Variants in USP54 observed in about 807,000 individuals in gnomAD.
USP54 encodes ubiquitin specific peptidase 54.
Under a neutral mutation model 170.5 loss-of-function variants are expected in USP54, and 87 were observed. The observed-to-expected ratio is 0.51, with a 90% CI of 0.43 to 0.61. USP54 has a LOEUF of 0.61. Among genes scored for constraint, USP54 ranks in the 20% least tolerant of loss-of-function variants. The pLI is 0.00. For synonymous variants in USP54, 655 were observed against 742.8 expected (o/e 0.88, Z 1.92); for missense variants, 1,786 against 2,047.8 (o/e 0.87, Z 2.47).
intron 1 of USP54, among the ~76,000 whole-genome samples, chr10:73,599,020 A>G (rs181430292): frequency 2.0e-5 from 3 of 152,336 alleles, no homozygotes; most frequent in Non-Finnish European, 4.4e-5. Context: ...GGGAGGTTGC[A>G]GTGAGCCGAG....
intron 12 of USP54, among the ~76,000 whole-genome samples, chr10:73,533,351 T>A (rs193018106): frequency 6.6e-6 from 1 of 152,224 alleles, no homozygotes; most frequent in African/African-American, 2.4e-5. Flanking sequence ...TGATTTCTTA[T>A]GTTTGAGCAA....
rs2063627439 is a variant in USP54 at position 73,529,690 on chromosome 10, T to C, written c.2050A>G (p.Asn684Asp). ...AAGGCCAAACAATACCTGTAGACAT[T>C]TGAGCTCTCAGGCAGGGCTGCATCC... ...SLDAALPESS[N>D]VYRDPSAKRS... The change falls in exon 15 of 24, where the codon AAT becomes GAT. Residue 684 changes from asparagine to aspartate, a missense_variant. Physicochemically the swap from Asn to Asp is conservative, Grantham distance 23. Coordinates refer to ENST00000687698, the MANE Select transcript of USP54 (RefSeq NM_001391956.1). The C allele has an allele frequency of 1.2e-6, 2 of 1,614,022 alleles. No individual in the cohort carries two copies. The highest frequency in any genetic ancestry group is 1.7e-5 in the Admixed American group (1 of 59,986).
At chr10:73,614,388 C>T (rs1240955867) in intron 1 of USP54, among the ~76,000 whole-genome samples, 1 of 149,710 alleles carries the variant, frequency 6.7e-6, no homozygotes, top group Non-Finnish European at 1.5e-5. Context: ...AGTGAAACCC[C>T]GTCTCTACTA....
Position 73,498,816 on chromosome 10 carries a change from A to G in USP54, c.4868T>C (p.Val1623Ala), listed in dbSNP as rs1230235486. ...AGGACCAGGGGTTCGGGACCCTGGAACAGGATCTGAATTCCAAGCTGACCT... is the reference window on the plus strand; with the variant it reads ...AGGACCAGGGGTTCGGGACCCTGGAGCAGGATCTGAATTCCAAGCTGACCT... ...PLRSAWNSDP[V>A]PGSRTPGPRR... The change falls in exon 24 of 24, where the codon GTT becomes GCT. Residue 1623 changes from valine (V) to alanine (A), a missense_variant. Around this residue, in one of 3 missense-constraint regions of USP54, gnomAD observed 1,418 missense variants for 1,569.0 expected, o/e 0.90. Coordinates refer to ENST00000687698, the MANE Select transcript of USP54 (RefSeq NM_001391956.1). 1.2e-6 allele frequency: 2 copies of G among 1,612,722 alleles called. No individual in the cohort carries two copies. The highest frequency in any genetic ancestry group is 1.7e-5 in the Admixed American group (1 of 59,942).
chr10:73,567,067 T>C (rs899377210), intron 4 of USP54, among the ~76,000 whole-genome samples: 1 of 151,664 alleles, frequency 6.6e-6, no homozygotes, highest in African/African-American at 2.4e-5. Flanking sequence ...TTAGTAGAGA[T>C]AGGGTTTCGC....
rs1428992108 is a variant in USP54, at chr10:73,516,754, C to G, written c.3672G>C (p.Gln1224His). ...ATATGTCTGGCTCTGCCAACCTGGGCTGTCCTCCGCTAGAAGTTTCACCAT... is the reference window on the plus strand; with the variant it reads ...ATATGTCTGGCTCTGCCAACCTGGGGTGTCCTCCGCTAGAAGTTTCACCAT... Reference protein sequence around the residue: ...LPNGETSSGGQPRLAEPDIYQ... With the variant: ...LPNGETSSGGHPRLAEPDIYQ... Residue 1224 changes from glutamine to histidine, a missense_variant, in exon 20 of 24, where the codon CAG becomes CAC. By Grantham distance (24) the Gln-to-His change is conservative (BLOSUM62 0). Around this residue, in one of 3 missense-constraint regions of USP54, gnomAD observed 1,418 missense variants for 1,569.0 expected, o/e 0.90. Coordinates refer to ENST00000687698, the MANE Select transcript of USP54 (RefSeq NM_001391956.1). 6.2e-7 allele frequency: 1 copy of G among 1,614,048 alleles called. No individual in the cohort carries two copies. The highest frequency in any genetic ancestry group is 8.5e-7 in the Non-Finnish European group (1 of 1,180,046).
chr10:73,585,962 G>A (rs1242989338), intron 1 of USP54, among the ~76,000 whole-genome samples: 1 of 152,046 alleles, frequency 6.6e-6, no homozygotes, highest in African/African-American at 2.4e-5. Flanking sequence ...AGTGAGCCAA[G>A]ATCGCACCAC....
At chr10:73,551,857 GTCT>G (rs2069452682) in intron 4 of USP54, among the ~76,000 whole-genome samples, 1 of 152,172 alleles carries the variant, frequency 6.6e-6, no homozygotes, top group Admixed American at 6.5e-5. Context: ...GGCCCCTTTA[GTCT>G]TCTTCAACTG....
At chr10:73,499,914 C>T (rs1244039012) in intron 23 of USP54, 2 of 152,210 alleles carry the variant, frequency 1.3e-5, no homozygotes, top group Non-Finnish European at 2.9e-5. Flanking sequence ...ATGAAAAATA[C>T]TTTGCAAAAA....
intron 1 of USP54, among the ~76,000 whole-genome samples, chr10:73,607,321 A>T (rs1332700537): frequency 3.8e-4 from 29 of 77,184 alleles, no homozygotes. Flanking sequence ...GAGTTTGCTT[A>T]AAAAAAAAAA....
At chr10:73,516,028 C>T (rs545033666) in intron 20 of USP54, 49 of 178,404 alleles carry the variant, frequency 2.7e-4, no homozygotes, top group Admixed American at 3.4e-4. Context: ...GTGATCTGCC[C>T]GCCTCGACCT....
At chr10:73,616,184 C>A (rs1333219632) in intron 1 of USP54, among the ~76,000 whole-genome samples, 7 of 149,310 alleles carry the variant, frequency 4.7e-5, no homozygotes, top group African/African-American at 7.7e-5. Flanking sequence ...TCTAAAAATA[C>A]AAAATTAGCC....
chr10:73,598,637 C>G (rs913464023), intron 1 of USP54, among the ~76,000 whole-genome samples: 3 of 151,830 alleles, frequency 2.0e-5, no homozygotes, highest in African/African-American at 7.3e-5. Flanking sequence ...ATTGGTCAGG[C>G]ACAGCGGCTC....
intron 23 of USP54, 100 bp from the exon 24 acceptor site, chr10:73,499,288 C>G: frequency 8.6e-7 from 1 of 1,160,516 alleles, no homozygotes; most frequent in Non-Finnish European, 1.2e-6. Flanking sequence ...CCCTACTCCT[C>G]CAAGAGCATA....
chr10:73,552,751 A>G (rs2069837865), intron 4 of USP54, among the ~76,000 whole-genome samples: 1 of 152,202 alleles, frequency 6.6e-6, no homozygotes, highest in Non-Finnish European at 1.5e-5. Flanking sequence ...AGATCACACC[A>G]CTGTACTCCA....
intron 3 of USP54, among the ~76,000 whole-genome samples, chr10:73,573,497 C>T (rs899991685): frequency 6.6e-6 from 1 of 152,132 alleles, no homozygotes; most frequent in African/African-American, 2.4e-5. Flanking sequence ...GGCACAGTGG[C>T]TCACGCCTGT....
chr10:73,565,101 G>A (rs942897554), intron 4 of USP54, among the ~76,000 whole-genome samples: 2 of 151,914 alleles, frequency 1.3e-5, no homozygotes, highest in Admixed American at 1.3e-4. Flanking sequence ...CAATATGATT[G>A]TAGCTTTGGT....
At position 73,617,554 on chromosome 10, in the gene USP54, G is replaced by A. The variant is rs973500129; in HGVS notation, c.-18+8013C>T. On this transcript the variant is annotated intron_variant, in intron 1 of 22. Coordinates refer to the USP54 transcript ENST00000339859. ...ATTTAAAATGAGATCACTTGGCCAG[G>A]TGCAGTGGCTCATACGTGTAATCCC... is the stretch of plus-strand genomic sequence containing the variant. Among the ~76,000 whole-genome samples, 3 of 150,222 alleles carry A rather than the reference G, an allele frequency of 2.0e-5. No homozygotes were observed. In the East Asian group the frequency reaches 5.8e-4, roughly 29 times the overall value.
At chr10:73,514,829 C>G (rs1187322796) in intron 20 of USP54, among the ~76,000 whole-genome samples, 3 of 151,950 alleles carry the variant, frequency 2.0e-5, no homozygotes, top group Non-Finnish European at 2.9e-5. Context: ...CACCTGAGGT[C>G]AGGAGTTCAA....
Sources: gnomAD v4.1 joint callset for allele counts (sites outside exome capture counted in the v4.1 genomes callset) on GRCh38, gnomAD v4.1.1 for gene constraint, gnomAD v4.1.1 regional missense constraint, MANE v1.5 for transcripts, NCBI Gene and HGNC (gene_info 2026-07-23, HGNC 2026-07-21) for gene names.